Variants in CBL observed in about 807,000 individuals in gnomAD.
The protein encoded by CBL is Cbl proto-oncogene.
In CBL, 45 loss-of-function variants were observed where a neutral mutation model predicts 96.9. The observed-to-expected ratio is 0.46, with a 90% CI of 0.37 to 0.60. The LOEUF (loss-of-function observed/expected upper bound fraction) is 0.60. CBL is among the 20% of genes least tolerant of loss of function. CBL has a pLI of 0.00. For missense variants in CBL, 1,024 were observed against 1,143.5 expected, an observed-to-expected ratio of 0.90 and a Z score of 1.51; for synonymous variants, 420 against 426.8, an observed-to-expected ratio of 0.98 and a Z score of 0.20.
In CBL at chr11:119,287,867, C is replaced by T. The variant is rs1591265497; in HGVS notation, c.1957C>T (p.Pro653Ser). ...TACTTTCCAGAGTATGAATAGCAGC[C>T]CATTAGTAGGTCCAGAGTGTGACCA... ...LDTSMSMNSS[P>S]LVGPECDHPK... The change falls in exon 12 of 16, where the codon CCA becomes TCA. Residue 653 changes from proline (P) to serine (S), a missense_variant. Transcript: ENST00000264033. 1 of 1,610,528 alleles carries T rather than the reference C, an allele frequency of 6.2e-7. No homozygotes were observed. The highest frequency in any genetic ancestry group is 8.5e-7 in the Non-Finnish European group (1 of 1,176,746).
rs398017760 is a variant in CBL at position 119,283,625 on chromosome 11, C to CTTTT, written c.1432-1317_1432-1314dup. Among the ~76,000 whole-genome samples the CTTTT allele has an allele frequency of 6.3e-3, 287 of 45,562 alleles. 2 individuals are homozygous for CTTTT. Among genetic ancestry groups the CTTTT allele is most frequent in the Non-Finnish European group, 8.6e-3 (210 of 24,558 alleles). 29.9% of individuals were successfully genotyped at this position (45,562 alleles called of 152,430 possible). On this transcript the variant is annotated intron_variant, in intron 9 of 15. Coordinates refer to ENST00000264033, the MANE Select transcript of CBL (RefSeq NM_005188.4). ...AAATATTAATCCTTTTTAATTCTTT[C>CTTTT]TTTTTTTTTTTTTTTTTTTTTTTTT...
At chr11:119,281,494 CTTT>C (rs34775460) in intron 9 of CBL, among the ~76,000 whole-genome samples, 14 of 125,792 alleles carry the variant, frequency 1.1e-4, no homozygotes, top group Non-Finnish European at 8.2e-5. Context: ...CACCAAAAGC[CTTT>C]TTTTTTTTTT....
chr11:119,216,538 A>G (rs1372016122), intron 1 of CBL, among the ~76,000 whole-genome samples: 1 of 151,540 alleles, frequency 6.6e-6, no homozygotes, highest in African/African-American at 2.4e-5. Flanking sequence ...TGCCCAGCTA[A>G]TTTTTGTATT....
Position 119,278,543 on chromosome 11 carries a change from T to C in CBL, c.1261T>C (p.Cys421Arg). 1 of 1,614,198 alleles carries C rather than the reference T, an allele frequency of 6.2e-7. No individual in the cohort carries two copies. Among genetic ancestry groups the C allele is most frequent in the Non-Finnish European group, 8.5e-7 (1 of 1,180,024 alleles). ...SEGQGCPFCR[C>R]EIKGTEPIVV... ...AGGTCAGGGCTGTCCTTTCTGCCGATGTGAAATTAAAGGTACTGAACCCAT... is the reference window on the plus strand; with the variant it reads ...AGGTCAGGGCTGTCCTTTCTGCCGACGTGAAATTAAAGGTACTGAACCCAT... Residue 421 changes from cysteine to arginine, a missense_variant, in exon 9 of 16, where the codon TGT becomes CGT. Transcript: ENST00000264033.
chr11:119,296,793 C>T (rs961017784), intron 12 of CBL, 125 bp from the exon 13 acceptor site: 3 of 685,012 alleles, frequency 4.4e-6, no homozygotes, highest in South Asian at 3.1e-5. Context: ...AATAATAGTT[C>T]CCTAGGTGAC....
At chr11:119,222,799 G>A (rs910684483) in intron 1 of CBL, among the ~76,000 whole-genome samples, 3 of 152,018 alleles carry the variant, frequency 2.0e-5, no homozygotes, top group Admixed American at 2.0e-4. Context: ...TTCACACAGG[G>A]CCTTTAGGAA....
chr11:119,263,396 CAT>C (rs932697549), intron 2 of CBL, among the ~76,000 whole-genome samples: 3 of 152,012 alleles, frequency 2.0e-5, no homozygotes, highest in Non-Finnish European at 2.9e-5. Context: ...TGGAGGCTCT[CAT>C]GTGGGTTGCT....
At chr11:119,238,428 T>C (rs1322296942) in intron 2 of CBL, among the ~76,000 whole-genome samples, 1 of 151,628 alleles carries the variant, frequency 6.6e-6, no homozygotes, top group Non-Finnish European at 1.5e-5. Flanking sequence ...CAGGCTGGTC[T>C]CGAACTCCTG....
At position 119,232,811 on chromosome 11, in the gene CBL, A is replaced by T. The variant is rs978690643; in HGVS notation, c.443+116A>T. The T allele has an allele frequency of 2.9e-6, 3 of 1,027,264 alleles. No homozygotes were observed. The African/African-American group carries it at 4.8e-5, about 16-fold the overall frequency. 63.6% of individuals were successfully genotyped at this position (1,027,264 alleles called of 1,614,324 possible). ...ATGTTAGTAGGAATGGAAAGTTGAC[A>T]TTTGATTTAAAGGTATAGTTTATAT... is the stretch of plus-strand genomic sequence containing the variant. On this transcript the variant is annotated intron_variant, in intron 2 of 15. Transcript: ENST00000264033.
chr11:119,226,544 T>C (rs1949460462), intron 1 of CBL, among the ~76,000 whole-genome samples: 1 of 152,010 alleles, frequency 6.6e-6, no homozygotes, highest in Non-Finnish European at 1.5e-5. Flanking sequence ...TGCAACCTCC[T>C]CCTTCTGGGT....
chr11:119,262,528 T>C (rs1426237868), intron 2 of CBL, among the ~76,000 whole-genome samples: 1 of 152,200 alleles, frequency 6.6e-6, no homozygotes, highest in Non-Finnish European at 1.5e-5. Flanking sequence ...CTTTATAACT[T>C]TTCTGTAGAT....
rs1950120592 is a variant in CBL at position 119,304,311 on chromosome 11, G to T, written c.*4530G>T. 4 of 233,184 alleles carry T rather than the reference G, an allele frequency of 1.7e-5. No individual in the cohort carries two copies. In the South Asian group the frequency reaches 7.2e-4, roughly 42 times the overall value. 14.4% of individuals were successfully genotyped at this position (233,184 alleles called of 1,614,324 possible). ...ACGGCTTAATGCCTAGAGGGTGGTG[G>T]ATAGTGAAGGACGGTCAAGGTTATA... On this transcript the variant is annotated 3_prime_UTR_variant, in exon 16 of 16. Coordinates refer to ENST00000264033, the MANE Select transcript of CBL (RefSeq NM_005188.4).
chr11:119,269,433 GACC>G (rs1003010270), intron 2 of CBL, among the ~76,000 whole-genome samples: 4 of 151,782 alleles, frequency 2.6e-5, no homozygotes, highest in African/African-American at 9.7e-5. Context: ...TCAAACTCCT[GACC>G]TCAAGTGATG....
chr11:119,259,975 C>T (rs1397273215), intron 2 of CBL, among the ~76,000 whole-genome samples: 2 of 152,170 alleles, frequency 1.3e-5, no homozygotes, highest in African/African-American at 4.8e-5. Context: ...TACAAGGGCA[C>T]TAGCAAATGG....
chr11:119,271,584 GAAT>G, intron 2 of CBL, 148 bp from the exon 3 acceptor site: 1 of 711,530 alleles, frequency 1.4e-6, no homozygotes, highest in Non-Finnish European at 2.4e-6. Context: ...TTATATCCTT[GAAT>G]AATACTGGCC....
At chr11:119,285,589 T>C (rs899533130) in intron 11 of CBL, 23 bp downstream of exon 11, 1 of 1,611,754 alleles carries the variant, frequency 6.2e-7, no homozygotes, top group South Asian at 1.1e-5. Context: ...TTTGAAACTA[T>C]CTAACCTGTT....
chr11:119,214,889 G>C (rs1240196528), intron 1 of CBL, among the ~76,000 whole-genome samples: 1 of 146,524 alleles, frequency 6.8e-6, no homozygotes, highest in Non-Finnish European at 1.5e-5. Context: ...GGATCTGGTA[G>C]GGAATTTTTT....
chr11:119,249,427 C>T (rs542355645), intron 2 of CBL, among the ~76,000 whole-genome samples: 26 of 151,802 alleles, frequency 1.7e-4, no homozygotes, highest in African/African-American at 4.6e-4. Flanking sequence ...TGGTGGCACA[C>T]GCCTGTAATC....
Position 119,307,429 on chromosome 11 carries a change from T to C in CBL, c.*7648T>C, listed in dbSNP as rs902735302. On this transcript the variant is annotated 3_prime_UTR_variant, in exon 16 of 16. Coordinates refer to ENST00000264033, the MANE Select transcript of CBL (RefSeq NM_005188.4). ...GGATCCTGAACTGGTCTAGACCTCC[T>C]GCCCCCACCCCCCAGCCCCCATCAG... 1 of 232,442 alleles carries C rather than the reference T, an allele frequency of 4.3e-6. No individual in the cohort carries two copies. The highest frequency in any genetic ancestry group is 2.2e-5 in the African/African-American group (1 of 45,252). The allele number at this position is 232,442 out of a possible 1,614,324, so 14.4% of individuals were successfully genotyped here.
Sources: allele counts gnomAD v4.1 joint callset (sites outside exome capture counted in the v4.1 genomes callset), GRCh38; gene constraint gnomAD v4.1.1; transcripts MANE v1.5; gene names NCBI Gene and HGNC (gene_info 2026-07-23, HGNC 2026-07-21).